Variants in KHDRBS2 observed in about 807,000 individuals in gnomAD.
KHDRBS2 encodes the protein KH domain-containing, RNA-binding, signal transduction-associated protein 2.
Under a neutral mutation model 44.3 loss-of-function variants are expected in KHDRBS2, and 26 were observed. That is an observed-to-expected ratio of 0.59 (90% CI 0.43 to 0.81). The LOEUF is 0.81. Among genes scored for constraint, KHDRBS2 ranks in the 40% least tolerant of loss-of-function variants. KHDRBS2 has a pLI of 0.00. For synonymous variants in KHDRBS2, 194 were observed against 151.1 expected, an observed-to-expected ratio of 1.28 and a Z score of -2.08; for missense variants, 476 against 433.1, an observed-to-expected ratio of 1.10 and a Z score of -0.88.
chr6:61,720,024 C>T lies in KHDRBS2; in HGVS notation c.893+12658G>A, dbSNP rs1391658385. ...ATTCCCACCTATGAGTGAGAATATG[C>T]GGTGTTTGGTTTTTTGTTCTTGCGA... On this transcript the variant is annotated intron_variant, in intron 7 of 8. Transcript: ENST00000281156. Among the ~76,000 whole-genome samples the T allele has an allele frequency of 5.9e-5, 9 of 151,968 alleles. No individual in the cohort carries two copies. In the South Asian group the frequency reaches 8.3e-4, roughly 14 times the overall value.
chr6:61,598,468 G>A, the KHDRBS2 span, among the ~76,000 whole-genome samples: 1 of 152,172 alleles, frequency 6.6e-6, no homozygotes, highest in African/African-American at 2.4e-5. Context: ...CAGATTCTCA[G>A]ATGACTGTCT....
intron 1 of KHDRBS2, among the ~76,000 whole-genome samples, chr6:62,256,664 G>C (rs1837438979): frequency 6.6e-6 from 1 of 152,008 alleles, no homozygotes; most frequent in South Asian, 2.1e-4. Context: ...ATACATACTT[G>C]TATCTACTTT....
At chr6:62,211,617 AT>A (rs1372638124) in intron 1 of KHDRBS2, among the ~76,000 whole-genome samples, 2 of 152,180 alleles carry the variant, frequency 1.3e-5, no homozygotes, top group African/African-American at 4.8e-5. Context: ...TTAAAAAAAC[AT>A]TTATTTTAAG....
At chr6:61,877,353 T>C (rs1799566634) in intron 6 of KHDRBS2, among the ~76,000 whole-genome samples, 1 of 151,984 alleles carries the variant, frequency 6.6e-6, no homozygotes, top group African/African-American at 2.4e-5. Flanking sequence ...GTCTTTTAAA[T>C]GCTTTACTGG....
intron 6 of KHDRBS2, among the ~76,000 whole-genome samples, chr6:61,855,720 G>A (rs994311088): frequency 6.6e-6 from 1 of 151,872 alleles, no homozygotes; most frequent in Non-Finnish European, 1.5e-5. Context: ...AGGTTCCAGG[G>A]TACTCAATGT....
At chr6:61,990,612 G>T (rs1775949087) in intron 3 of KHDRBS2, among the ~76,000 whole-genome samples, 1 of 151,874 alleles carries the variant, frequency 6.6e-6, no homozygotes, top group African/African-American at 2.4e-5. Flanking sequence ...GAAATAAGAA[G>T]AATAACATCT....
intron 6 of KHDRBS2, among the ~76,000 whole-genome samples, chr6:61,774,693 GCCGAATTCTCCC>G: frequency 6.6e-6 from 1 of 152,140 alleles, no homozygotes; most frequent in Non-Finnish European, 1.5e-5. Context: ...TGGATTCACA[GCCGAATTCTCCC>G]AGAGGTACAA....
At chr6:62,248,345 T>C (rs1441116138) in intron 1 of KHDRBS2, among the ~76,000 whole-genome samples, 1 of 151,750 alleles carries the variant, frequency 6.6e-6, no homozygotes, top group East Asian at 1.9e-4. Context: ...AATATTATTT[T>C]ACTTTTATTA....
intron 7 of KHDRBS2, among the ~76,000 whole-genome samples, chr6:61,710,403 T>C (rs1033374627): frequency 9.2e-5 from 14 of 151,742 alleles, no homozygotes; most frequent in African/African-American, 3.4e-4. Context: ...ATTTTAATTA[T>C]GTATTTTCAT....
the KHDRBS2 span, among the ~76,000 whole-genome samples, chr6:61,568,984 A>C: frequency 3.1e-5 from 1 of 32,308 alleles, no homozygotes; most frequent in East Asian, 7.9e-4. Flanking sequence ...CAGAGTGGGC[A>C]TATGGGGAAG....
chr6:62,160,630 G>C (rs1162601213), intron 2 of KHDRBS2, among the ~76,000 whole-genome samples: 2 of 152,040 alleles, frequency 1.3e-5, no homozygotes, highest in Non-Finnish European at 2.9e-5. Context: ...ACTCTGTTAA[G>C]GATTGTAAAG....
At chr6:62,143,655 C>T (rs1207605301) in intron 2 of KHDRBS2, among the ~76,000 whole-genome samples, 1 of 151,076 alleles carries the variant, frequency 6.6e-6, no homozygotes, top group African/African-American at 2.4e-5. Flanking sequence ...ACACTCCAAT[C>T]GTAATGGCTA....
chr6:62,133,049 T>C (rs953504889), intron 2 of KHDRBS2, among the ~76,000 whole-genome samples: 3 of 152,202 alleles, frequency 2.0e-5, no homozygotes, highest in Admixed American at 6.5e-5. Context: ...AAAGCAGCCA[T>C]AGACAATACA....
intron 3 of KHDRBS2, among the ~76,000 whole-genome samples, chr6:62,002,939 T>A (rs1032267091): frequency 1.6e-4 from 24 of 152,244 alleles, no homozygotes; most frequent in Middle Eastern, 3.4e-3. Context: ...TCATAATTCT[T>A]CCATTTTATC....
the KHDRBS2 span, among the ~76,000 whole-genome samples, chr6:61,597,903 G>GT: frequency 9.8e-5 from 13 of 133,020 alleles, no homozygotes; most frequent in South Asian, 2.0e-3. Context: ...AAACATAGAG[G>GT]TTTTTTTTGT....
intron 2 of KHDRBS2, among the ~76,000 whole-genome samples, chr6:62,049,986 C>A (rs1380515339): frequency 6.6e-6 from 1 of 152,018 alleles, no homozygotes; most frequent in Non-Finnish European, 1.5e-5. Flanking sequence ...AAGACACATG[C>A]ACACTTATGT....
chr6:61,793,659 C>A (rs895663229), intron 6 of KHDRBS2, among the ~76,000 whole-genome samples: 2 of 151,918 alleles, frequency 1.3e-5, no homozygotes, highest in African/African-American at 4.8e-5. Flanking sequence ...TATTATTCTG[C>A]ATATCTTTCA....
At chr6:61,870,506 G>A (rs1798512192) in intron 6 of KHDRBS2, among the ~76,000 whole-genome samples, 1 of 152,106 alleles carries the variant, frequency 6.6e-6, no homozygotes, top group Non-Finnish European at 1.5e-5. Context: ...GCTCTGAAGA[G>A]GGCAGTGGAC....
chr6:61,657,737 CTT>C, the KHDRBS2 span, among the ~76,000 whole-genome samples: 1 of 151,916 alleles, frequency 6.6e-6, no homozygotes, highest in African/African-American at 2.4e-5. Context: ...TGGGCATAAA[CTT>C]AGAACGAGAA....
Sources: gnomAD v4.1 joint callset for allele counts (sites outside exome capture counted in the v4.1 genomes callset) on GRCh38, gnomAD v4.1.1 for gene constraint, MANE v1.5 for transcripts, NCBI Gene and HGNC (gene_info 2026-07-23, HGNC 2026-07-21) for gene names.